OR51B5: variants seen among roughly 807,000 people sequenced by gnomAD.
OR51B5 encodes the protein olfactory receptor family 51 subfamily B member 5.
For missense variants in OR51B5, 456 were observed against 374.6 expected (o/e 1.22, Z -1.79); for synonymous variants, 186 against 144.8 (o/e 1.28, Z -2.04).
At chr11:5,411,066 C>T (rs751929481) in intron 1 of OR51B5, among the ~76,000 whole-genome samples, 2 of 152,124 alleles carry the variant, frequency 1.3e-5, no homozygotes, top group Non-Finnish European at 2.9e-5. Flanking sequence ...CCTAAATGTC[C>T]AGTGTTTATA....
chr11:5,418,465 G>A (rs1470144894), intron 1 of OR51B5, among the ~76,000 whole-genome samples: 1 of 151,356 alleles, frequency 6.6e-6, no homozygotes, highest in Non-Finnish European at 1.5e-5. Context: ...AACAAAAAAA[G>A]CACCGAACCA....
upstream of OR51B5, among the ~76,000 whole-genome samples, chr11:5,348,174 G>C (rs1849023773): frequency 6.6e-6 from 1 of 152,104 alleles, no homozygotes; most frequent in South Asian, 2.1e-4. Flanking sequence ...CTAAAACTTG[G>C]TTTCTTTGAG....
At chr11:5,359,044 A>G (rs1030111083) in intron 1 of OR51B5, among the ~76,000 whole-genome samples, 1 of 152,196 alleles carries the variant, frequency 6.6e-6, no homozygotes, top group Non-Finnish European at 1.5e-5. Context: ...ATCATACTGA[A>G]TGGACAAAAA....
intron 1 of OR51B5, among the ~76,000 whole-genome samples, chr11:5,366,673 AG>A (rs1456227981): frequency 2.0e-5 from 3 of 149,660 alleles, no homozygotes; most frequent in Non-Finnish European, 3.0e-5. Flanking sequence ...AAGGAAGAGA[AG>A]AAGAAGAAGA....
intron 1 of OR51B5, among the ~76,000 whole-genome samples, chr11:5,365,733 T>TA (rs766766209): frequency 6.6e-6 from 1 of 152,156 alleles, no homozygotes; most frequent in Admixed American, 6.5e-5. Context: ...TGTAATTATT[T>TA]AAAAAATAGA....
intron 1 of OR51B5, among the ~76,000 whole-genome samples, chr11:5,419,184 G>T (rs1850291775): frequency 6.6e-6 from 1 of 152,130 alleles, no homozygotes; most frequent in Admixed American, 6.5e-5. Flanking sequence ...GCACACTTGT[G>T]TGTCACAGAC....
intron 1 of OR51B5, chr11:5,391,495 C>T (rs1329362729): frequency 1.3e-5 from 2 of 152,178 alleles, no homozygotes; most frequent in African/African-American, 4.8e-5. Flanking sequence ...AATACAATGC[C>T]TAGCACATGC....
At chr11:5,342,719 A>G (rs779175780) in exon 1 of OR51B5, 1 of 1,613,848 alleles carries the variant, frequency 6.2e-7, no homozygotes, top group South Asian at 1.1e-5. Context: ...GAGGTGAACA[A>G]TATGTGGAAC....
intron 1 of OR51B5, among the ~76,000 whole-genome samples, chr11:5,442,872 T>C (rs967280266): frequency 6.6e-6 from 1 of 152,194 alleles, no homozygotes; most frequent in Non-Finnish European, 1.5e-5. Context: ...CACTTGATCT[T>C]CTTGCTACAG....
At chr11:5,365,094 G>A (rs922264687) in intron 1 of OR51B5, among the ~76,000 whole-genome samples, 5 of 152,212 alleles carry the variant, frequency 3.3e-5, no homozygotes, top group Admixed American at 3.3e-4. Context: ...AATCATGCTT[G>A]TAATAACCTT....
intron 1 of OR51B5, among the ~76,000 whole-genome samples, chr11:5,374,134 C>T (rs958902991): frequency 1.3e-5 from 2 of 152,296 alleles, no homozygotes; most frequent in Non-Finnish European, 2.9e-5. Context: ...TGAGACAAAA[C>T]TTCCAGAGGA....
At chr11:5,433,376 G>T (rs919757039) in intron 1 of OR51B5, among the ~76,000 whole-genome samples, 1 of 152,168 alleles carries the variant, frequency 6.6e-6, no homozygotes, top group African/African-American at 2.4e-5. Context: ...TAACAGTGAA[G>T]TAGGAAGGGG....
downstream of OR51B5, among the ~76,000 whole-genome samples, chr11:5,342,003 A>C (rs1440215895): frequency 6.6e-6 from 1 of 152,210 alleles, no homozygotes; most frequent in Non-Finnish European, 1.5e-5. Flanking sequence ...CAAATTCATT[A>C]TAATTTGATG....
chr11:5,348,536 T>C (rs1849028494), intron 1 of OR51B5, among the ~76,000 whole-genome samples: 1 of 152,160 alleles, frequency 6.6e-6, no homozygotes, highest in Admixed American at 6.5e-5. Context: ...AATTCAAAAT[T>C]AAGCTTGGAC....
chr11:5,349,301 A>G (rs1033834922), intron 1 of OR51B5, among the ~76,000 whole-genome samples: 2 of 152,182 alleles, frequency 1.3e-5, no homozygotes, highest in African/African-American at 2.4e-5. Flanking sequence ...AGGTGTATAT[A>G]ATGCCCCAGT....
intron 1 of OR51B5, among the ~76,000 whole-genome samples, chr11:5,404,058 T>C (rs11037244): frequency 0.16 from 24,272 of 150,814 alleles, 2,418 homozygotes; most frequent in African/African-American, 0.29. Context: ...TTGGAAGTCT[T>C]GAAGACTACA....
chr11:5,502,625 A>C (rs1270504074), intron 1 of OR51B5, among the ~76,000 whole-genome samples: 2 of 152,234 alleles, frequency 1.3e-5, no homozygotes, highest in Non-Finnish European at 2.9e-5. Flanking sequence ...GTCTCTAGAA[A>C]GACCGGTTCA....
At chr11:5,413,345 G>A (rs10742670) in intron 1 of OR51B5, among the ~76,000 whole-genome samples, 124,178 of 151,284 alleles carry the variant, frequency 0.82, 51,779 homozygotes, top group Non-Finnish European at 0.89. Context: ...AAAAAACAGA[G>A]CAGAAAAACT....
chr11:5,489,638 T>C, intron 1 of OR51B5: 2 of 1,613,140 alleles, frequency 1.2e-6, no homozygotes, highest in South Asian at 2.2e-5. Context: ...CTAAAACTGC[T>C]TCACCTGGGG....
Sources: gnomAD v4.1 joint callset for allele counts (sites outside exome capture counted in the v4.1 genomes callset) on GRCh38, gnomAD v4.1.1 for gene constraint, MANE v1.5 for transcripts, NCBI Gene and HGNC (gene_info 2026-07-23, HGNC 2026-07-21) for gene names.